The following USP2 variants were observed in gnomAD, a reference collection of about 807,000 sequenced individuals.
The protein encoded by USP2 is ubiquitin specific peptidase 2, also known as ubiquitin carboxyl-terminal hydrolase 2.
A neutral mutation model predicts 72.0 loss-of-function variants in USP2; 33 were observed. The ratio of observed to expected loss-of-function variants is 0.46; its 90% CI spans 0.35 to 0.61. The LOEUF (loss-of-function observed/expected upper bound fraction) is 0.61, where lower values mean the gene tolerates loss of function less well. Ranked by LOEUF, USP2 falls within the 20% of genes least tolerant of loss-of-function variation. USP2 has a pLI of 0.01. For missense variants in USP2, 691 were observed against 797.8 expected, an observed-to-expected ratio of 0.87 and a Z score of 1.61; for synonymous variants, 296 against 312.5, an observed-to-expected ratio of 0.95 and a Z score of 0.56.
At chr11:119,371,097 A>G (rs1950919628) in intron 2 of USP2, among the ~76,000 whole-genome samples, 1 of 152,158 alleles carries the variant, frequency 6.6e-6, no homozygotes, top group Admixed American at 6.5e-5. Flanking sequence ...GCAGCTTCCC[A>G]GGCCCCATCC....
intron 2 of USP2, among the ~76,000 whole-genome samples, chr11:119,363,449 C>T (rs1189403640): frequency 2.0e-5 from 3 of 152,166 alleles, no homozygotes; most frequent in Non-Finnish European, 4.4e-5. Context: ...CCTTTCTGCC[C>T]AGCCTTCCTC....
At position 119,381,550 on chromosome 11, in the gene USP2, G is replaced by A. The variant is rs1289669983; in HGVS notation, c.-119C>T. 1 of 1,536,032 alleles carries A rather than the reference G, an allele frequency of 6.5e-7. No homozygotes were observed. Among genetic ancestry groups the A allele is most frequent in the East Asian group, 2.4e-5 (1 of 40,906 alleles). ...CGGGTGAGTCCCGGCTGGCGCTGGC[G>A]CGGCGCAGTGAGCACCAGCTGACGA... is the stretch of plus-strand genomic sequence containing the variant. On this transcript the variant is annotated 5_prime_UTR_variant, in exon 1 of 13. Coordinates refer to ENST00000260187, the MANE Select transcript of USP2 (RefSeq NM_004205.5).
At chr11:119,370,703 G>A (rs1313135480) in intron 2 of USP2, among the ~76,000 whole-genome samples, 2 of 152,240 alleles carry the variant, frequency 1.3e-5, no homozygotes, top group Non-Finnish European at 2.9e-5. Flanking sequence ...TGGGGCATGA[G>A]CTCAGAATGA....
At chr11:119,363,976 A>C in intron 2 of USP2, 1 of 908,892 alleles carries the variant, frequency 1.1e-6, no homozygotes, top group Non-Finnish European at 1.3e-6. Flanking sequence ...GGGCAGGGTC[A>C]CGGTGTACGA....
chr11:119,369,690 G>A (rs1950901940), intron 2 of USP2, among the ~76,000 whole-genome samples: 1 of 152,140 alleles, frequency 6.6e-6, no homozygotes, highest in Non-Finnish European at 1.5e-5. Flanking sequence ...TTGAGAGGTG[G>A]GCAGGGCGGG....
Position 119,358,070 on chromosome 11 carries a change from G to C in USP2, c.1342-9C>G. 1 of 1,614,146 alleles carries C rather than the reference G, an allele frequency of 6.2e-7. No homozygotes were observed. The highest frequency in any genetic ancestry group is 8.5e-7 in the Non-Finnish European group (1 of 1,180,030). On this transcript the variant is annotated splice_polypyrimidine_tract_variant and intron_variant, in intron 8 of 12. Transcript: ENST00000260187. The stretch of plus-strand genomic sequence containing the variant: ...ACCTCAGGATAACCTCGCTGGGAAG[G>C]GGAAAAAAGCAAAGGTCAGAGGTCA...
chr11:119,357,652 A>G lies in USP2; in HGVS notation c.1502-62T>C, dbSNP rs887571101. 5 of 1,613,486 alleles carry G rather than the reference A, an allele frequency of 3.1e-6. No individual in the cohort carries two copies. The African/African-American group carries it at 6.7e-5, about 22-fold the overall frequency. On this transcript the variant is annotated intron_variant, in intron 10 of 12. Coordinates refer to ENST00000260187, the MANE Select transcript of USP2 (RefSeq NM_004205.5). The stretch of plus-strand genomic sequence containing the variant: ...GCAGAAGGGCAGACAACAAAAGGAA[A>G]GCCTACAAGGTCCGTTTCTTCCGAC...
Position 119,356,248 on chromosome 11 carries a change from C to G in USP2, c.*587G>C, listed in dbSNP as rs74695792. The G allele has an allele frequency of 6.6e-6, 1 of 152,524 alleles. No homozygotes were observed. Among genetic ancestry groups the G allele is most frequent in the African/African-American group, 2.4e-5 (1 of 41,332 alleles). The allele number at this position is 152,524 out of a possible 1,614,324, so 9.4% of individuals were successfully genotyped here. Reference sequence around the variant, plus strand: ...GAGGCCTGAAGGAGAGCACTCCAGTCTGAACACTTTAGTTATGGAAATTAA... The same window carrying G: ...GAGGCCTGAAGGAGAGCACTCCAGTGTGAACACTTTAGTTATGGAAATTAA... On this transcript the variant is annotated 3_prime_UTR_variant, in exon 13 of 13. Transcript: ENST00000260187.
rs1446652054 is a variant in USP2, at chr11:119,372,917, T to C, written c.564A>G (p.Thr188=). 5.0e-6 allele frequency: 8 copies of C among 1,612,560 alleles called. No individual in the cohort carries two copies. The highest frequency in any genetic ancestry group is 5.9e-6 in the Non-Finnish European group (7 of 1,179,506). ...CGACCAGGTATTCAGGGCAGCTGGC[T>C]GTCTGGTAGAGCCCCTGCAGGGTGC... ...ELCTLQGLYQ[T]ASCPEYLVDY... The change falls in exon 2 of 13, where the codon ACA becomes ACG. Residue 188 remains threonine, a synonymous_variant. Transcript: ENST00000260187.
At chr11:119,364,301 C>G in intron 2 of USP2, 1 of 571,046 alleles carries the variant, frequency 1.8e-6, no homozygotes, top group South Asian at 7.6e-5. Flanking sequence ...ACCCCGCCCC[C>G]GGCGCCGGCA....
At chr11:119,363,802 G>A in intron 2 of USP2, 1 of 1,347,474 alleles carries the variant, frequency 7.4e-7, no homozygotes. Context: ...GGAGAAGGCG[G>A]GACCCCAGGC....
rs745853429 is a variant in USP2, at chr11:119,373,475, G to A, written c.6C>T (p.Ser2=). 1.9e-6 allele frequency: 3 copies of A among 1,578,314 alleles called. No homozygotes were observed. The South Asian group carries it at 3.5e-5, about 18-fold the overall frequency. M[S]QLSSTLKRYT... ...AGCGCTTCAGGGTGGAGGAGAGCTG[G>A]GACATCCTTCAGGGTGGCACTCAGT... The change falls in exon 2 of 13, where the codon TCC becomes TCT. Residue 2 remains serine, a synonymous_variant. Coordinates refer to ENST00000260187, the MANE Select transcript of USP2 (RefSeq NM_004205.5).
chr11:119,372,686 G>A (rs749895371), intron 2 of USP2, 21 bp downstream of exon 2: 77 of 1,506,436 alleles, frequency 5.1e-5, no homozygotes, highest in Middle Eastern at 1.8e-4. Flanking sequence ...GCCTATCCCC[G>A]GTCCCCAAGG....
In USP2 at chr11:119,359,664, CAA is replaced by C; in HGVS notation, c.826-6_826-5del. On this transcript the variant is annotated splice_polypyrimidine_tract_variant and splice_region_variant and intron_variant, in intron 3 of 12. Transcript: ENST00000260187. ...GCAGAATTGAGTTCATGAAGCACTG[CAA>C]GAGATGACCAGGCAATCAGTGGGGA... 6.2e-7 allele frequency: 1 copy of C among 1,613,008 alleles called. No homozygotes were observed. Among genetic ancestry groups the C allele is most frequent in the Non-Finnish European group, 8.5e-7 (1 of 1,179,894 alleles).
chr11:119,358,880 C>CT (rs1950717060), intron 6 of USP2, 43 bp from the exon 7 acceptor site: 2 of 1,609,620 alleles, frequency 1.2e-6, no homozygotes, highest in Admixed American at 3.3e-5. Context: ...AAGCTCAAAA[C>CT]TTAAGTTTAA....
rs768023433 is a variant in USP2, at chr11:119,359,016, T to C, written c.1172+8A>G. The C allele has an allele frequency of 6.2e-7, 1 of 1,613,872 alleles. No individual in the cohort carries two copies. Among genetic ancestry groups the C allele is most frequent in the Non-Finnish European group, 8.5e-7 (1 of 1,179,898 alleles). ...TTTGCTTTCCCACAGCATTCTCCTC[T>C]TACTTACGGAAGATGATCGAGGTTC... On this transcript the variant is annotated splice_region_variant and intron_variant, in intron 6 of 12. Coordinates refer to ENST00000260187, the MANE Select transcript of USP2 (RefSeq NM_004205.5).
rs1951056156 is a variant in USP2 at position 119,381,348 on chromosome 11, G to T, written c.-42+125C>A. The T allele has an allele frequency of 5.6e-6, 6 of 1,075,910 alleles. No homozygotes were observed. The African/African-American group carries it at 9.5e-5, about 17-fold the overall frequency. The allele number at this position is 1,075,910 out of a possible 1,614,324, so 66.6% of individuals were successfully genotyped here. A position where few individuals can be genotyped will look rare whatever the true frequency, so the allele number is the denominator to read the frequency against. On this transcript the variant is annotated intron_variant, in intron 1 of 12. Coordinates refer to ENST00000260187, the MANE Select transcript of USP2 (RefSeq NM_004205.5). ...ACAGCTGGAGCGTCCCTGCACAGCC[G>T]GCTCTCTCCCTATATTTCTAGTGTC...
At chr11:119,357,339 G>A (rs779485181) in intron 11 of USP2, 32 bp from the exon 12 acceptor site, 9 of 1,611,822 alleles carry the variant, frequency 5.6e-6, no homozygotes, top group Middle Eastern at 3.3e-4. Flanking sequence ...AGCCCCCGAG[G>A]CCCCCCTGCC....
At chr11:119,373,651 G>T in intron 1 of USP2, 130 bp from the exon 2 acceptor site, 1 of 905,032 alleles carries the variant, frequency 1.1e-6, no homozygotes. Flanking sequence ...CAGGCTGGCT[G>T]CTGAGAAGCA....
Sources: gnomAD v4.1 joint callset for allele counts (sites outside exome capture counted in the v4.1 genomes callset) on GRCh38, gnomAD v4.1.1 for gene constraint, MANE v1.5 for transcripts, NCBI Gene and HGNC (gene_info 2026-07-23, HGNC 2026-07-21) for gene names.